The following FCHO2 variants were observed in gnomAD, a reference collection of about 807,000 sequenced individuals.
FCHO2 encodes the protein FCH and mu domain containing endocytic adaptor 2, also known as F-BAR domain only protein 2.
FCHO2 carries 43 observed loss-of-function variants against 114.1 expected under a neutral mutation model. That is an observed-to-expected ratio of 0.38 (90% CI 0.30 to 0.49). The LOEUF (loss-of-function observed/expected upper bound fraction) is 0.49. Ranked by LOEUF, FCHO2 falls within the 20% of genes least tolerant of loss-of-function variation. The pLI is 0.97. For missense variants in FCHO2, 807 were observed against 950.4 expected (o/e 0.85, Z 1.98); for synonymous variants, 293 against 315.2 (o/e 0.93, Z 0.75).
chr5:73,082,876 A>ATTTT, intron 24 of FCHO2, 51 bp downstream of exon 24: 1 of 1,210,572 alleles, frequency 8.3e-7, no homozygotes, highest in Non-Finnish European at 1.1e-6. Context: ...CTGAAAATTG[A>ATTTT]TTTTTTTTTT....
chr5:73,052,623 GT>G, intron 13 of FCHO2, 116 bp downstream of exon 13: 1 of 844,576 alleles, frequency 1.2e-6, no homozygotes, highest in Non-Finnish European at 1.8e-6. Context: ...GAAATACTTA[GT>G]TTATAATTTT....
At chr5:73,009,806 G>T (rs1754911561) in intron 6 of FCHO2, among the ~76,000 whole-genome samples, 1 of 152,204 alleles carries the variant, frequency 6.6e-6, no homozygotes, top group South Asian at 2.1e-4. Context: ...CAAAATGCTG[G>T]CTGGGATCAC....
At chr5:72,956,207 G>GGGCGGC (rs140511986) in intron 1 of FCHO2, 78 bp downstream of exon 1, 419 of 1,471,936 alleles carry the variant, frequency 2.8e-4, no homozygotes, top group East Asian at 2.9e-4. Flanking sequence ...CGTGCGCTTC[G>GGGCGGC]GGCGGCGGCG....
intron 8 of FCHO2, among the ~76,000 whole-genome samples, chr5:73,019,452 G>A (rs1007016035): frequency 6.6e-6 from 1 of 152,164 alleles, no homozygotes; most frequent in Non-Finnish European, 1.5e-5. Context: ...TGAGGCGGGA[G>A]AATTGCTTGA....
rs115435156 is a variant in FCHO2, at chr5:72,964,677, C to T, written c.34-3821C>T. ...TGCTGGGATTACAGGTGTGAGCTAC[C>T]GCGCCTGAGCATTCTATATATTTTA... On this transcript the variant is annotated intron_variant, in intron 1 of 25. Transcript: ENST00000430046. Among the ~76,000 whole-genome samples the T allele has an allele frequency of 1.8e-3, 272 of 152,240 alleles. 2 individuals carry two copies. The highest frequency in any genetic ancestry group is 6.3e-3 in the African/African-American group (261 of 41,522).
At chr5:73,081,294 A>G (rs897996735) in intron 22 of FCHO2, among the ~76,000 whole-genome samples, 2 of 152,178 alleles carry the variant, frequency 1.3e-5, no homozygotes, top group African/African-American at 4.8e-5. Flanking sequence ...GAATTATAAC[A>G]TTTACTGTGA....
intron 2 of FCHO2, among the ~76,000 whole-genome samples, chr5:72,979,568 T>G (rs1286903378): frequency 6.6e-6 from 1 of 150,572 alleles, no homozygotes; most frequent in Non-Finnish European, 1.5e-5. Flanking sequence ...ATTTTTTGTA[T>G]TTTTAGTAGA....
chr5:73,017,254 G>C lies in FCHO2; in HGVS notation c.742G>C (p.Glu248Gln), dbSNP rs779757486. Reference sequence around the variant, plus strand: ...AAATAACATGGCTAATACTACAGTTGAAAGTTTGATACAAAAATTTGCTGA... The same window carrying C: ...AAATAACATGGCTAATACTACAGTTCAAAGTTTGATACAAAAATTTGCTGA... ...FINNMANTTV[E>Q]SLIQKFAESK... Residue 248 changes from glutamate (E) to glutamine (Q), a missense_variant, in exon 8 of 26, where the codon GAA becomes CAA. By Grantham distance (29) the Glu-to-Gln change is conservative (BLOSUM62 2). Coordinates refer to ENST00000430046, the MANE Select transcript of FCHO2 (RefSeq NM_138782.3). The C allele has an allele frequency of 6.4e-7, 1 of 1,564,186 alleles. No individual in the cohort carries two copies. The highest frequency in any genetic ancestry group is 8.7e-7 in the Non-Finnish European group (1 of 1,153,566).
chr5:73,015,668 G>A lies in FCHO2; in HGVS notation c.643G>A (p.Glu215Lys). ...IEETHLIHIKEIIGSLSNAIK... is the reference protein window; with the variant it reads ...IEETHLIHIKKIIGSLSNAIK... ...AGAAACTCATCTCATTCACATAAAG[G>A]AAATTATAGGATCCTTGTCAAATGC... Residue 215 changes from glutamate to lysine, a missense_variant, in exon 7 of 26, where the codon GAA becomes AAA. Coordinates refer to ENST00000430046, the MANE Select transcript of FCHO2 (RefSeq NM_138782.3). 6.3e-7 allele frequency: 1 copy of A among 1,579,502 alleles called. No homozygotes were observed. The highest frequency in any genetic ancestry group is 8.6e-7 in the Non-Finnish European group (1 of 1,168,614).
chr5:72,970,929 C>T (rs879419199), intron 2 of FCHO2, among the ~76,000 whole-genome samples: 1 of 152,156 alleles, frequency 6.6e-6, no homozygotes, highest in South Asian at 2.1e-4. Flanking sequence ...CAATTCCCAC[C>T]TATGAGTGAG....
rs566950486 is a variant in FCHO2 at position 73,071,292 on chromosome 5, A to G, written c.1579+2513A>G. Among the ~76,000 whole-genome samples, 7 of 152,168 alleles carry G rather than the reference A, an allele frequency of 4.6e-5. No individual in the cohort carries two copies. The South Asian group carries it at 1.4e-3, about 32-fold the overall frequency. On this transcript the variant is annotated intron_variant, in intron 19 of 25. Coordinates refer to ENST00000430046, the MANE Select transcript of FCHO2 (RefSeq NM_138782.3). ...ATCCAAATCAGGTAAGAAGTCATCC[A>G]AAAAGAATTAAAAGGAATATGTCAG...
intron 5 of FCHO2, among the ~76,000 whole-genome samples, chr5:73,003,979 C>T (rs537279582): frequency 2.4e-4 from 33 of 135,108 alleles, no homozygotes; most frequent in Non-Finnish European, 3.1e-4. Flanking sequence ...ATCCGGGAGG[C>T]GGAGGTTGCA....
At chr5:72,976,299 G>C (rs372780962) in intron 2 of FCHO2, among the ~76,000 whole-genome samples, 1 of 151,842 alleles carries the variant, frequency 6.6e-6, no homozygotes, top group African/African-American at 2.4e-5. Context: ...GGCTAGTCTC[G>C]AACTCCTGGC....
At chr5:73,087,497 G>T (rs959812561) in intron 24 of FCHO2, 92 bp from the exon 25 acceptor site, 4 of 1,402,310 alleles carry the variant, frequency 2.9e-6, no homozygotes, top group Non-Finnish European at 3.9e-6. Context: ...TGTAGCACAG[G>T]ACTGATGTAG....
intron 6 of FCHO2, among the ~76,000 whole-genome samples, chr5:73,007,455 T>A (rs1754778007): frequency 6.6e-6 from 1 of 152,238 alleles, no homozygotes; most frequent in African/African-American, 2.4e-5. Context: ...TTGTTTTGTT[T>A]ACTGCTATAT....
intron 2 of FCHO2, 59 bp downstream of exon 2, chr5:72,968,648 A>G (rs1476792208): frequency 1.8e-5 from 21 of 1,190,060 alleles, no homozygotes; most frequent in Non-Finnish European, 2.2e-5. Context: ...TAAATTTTAG[A>G]ATATAAATAA....
intron 24 of FCHO2, among the ~76,000 whole-genome samples, chr5:73,085,279 G>T (rs1743258791): frequency 6.6e-6 from 1 of 151,980 alleles, no homozygotes; most frequent in Non-Finnish European, 1.5e-5. Flanking sequence ...AACACGGGAG[G>T]TGGAGGTTGC....
At chr5:73,009,427 A>C (rs1271913990) in intron 6 of FCHO2, among the ~76,000 whole-genome samples, 2 of 152,232 alleles carry the variant, frequency 1.3e-5, no homozygotes, top group African/African-American at 4.8e-5. Context: ...CTTTATAAAA[A>C]AGAGCGTTCA....
chr5:72,956,798 C>T (rs563633448), intron 1 of FCHO2, among the ~76,000 whole-genome samples: 42 of 152,250 alleles, frequency 2.8e-4, no homozygotes, highest in Admixed American at 1.1e-3. Flanking sequence ...TGTGCTCCTT[C>T]CCCTTCCTCA....
Sources: allele counts gnomAD v4.1 joint callset (sites outside exome capture counted in the v4.1 genomes callset), GRCh38; gene constraint gnomAD v4.1.1; transcripts MANE v1.5; gene names NCBI Gene and HGNC (gene_info 2026-07-23, HGNC 2026-07-21).